CDH12: variants seen among roughly 807,000 people sequenced by gnomAD.
The protein encoded by CDH12 is cadherin 12.
CDH12 carries 41 observed loss-of-function variants against 74.1 expected under a neutral mutation model. The observed-to-expected ratio is 0.55, with a 90% CI of 0.43 to 0.72. The LOEUF (loss-of-function observed/expected upper bound fraction) is 0.72. Among genes scored for constraint, CDH12 ranks in the 30% least tolerant of loss-of-function variants. The pLI is 0.00. For missense variants in CDH12, 945 were observed against 977.2 expected (o/e 0.97, Z 0.44); for synonymous variants, 399 against 355.0 (o/e 1.12, Z -1.39).
At chr5:22,467,295 G>A (rs1745776255) in intron 2 of CDH12, among the ~76,000 whole-genome samples, 1 of 152,148 alleles carries the variant, frequency 6.6e-6, no homozygotes, top group Admixed American at 6.5e-5. Context: ...TCTTACATCA[G>A]GTGCCTGGCA....
chr5:22,033,549 C>A (rs1738972596), intron 5 of CDH12, among the ~76,000 whole-genome samples: 2 of 152,068 alleles, frequency 1.3e-5, no homozygotes, highest in Non-Finnish European at 2.9e-5. Context: ...TGAATCTGCC[C>A]TGAATGGAAA....
At chr5:21,891,670 T>C (rs1752907771) in intron 6 of CDH12, among the ~76,000 whole-genome samples, 1 of 151,870 alleles carries the variant, frequency 6.6e-6, no homozygotes, top group South Asian at 2.1e-4. Flanking sequence ...AATCTTTGGA[T>C]TAAGTGTTTG....
At chr5:22,422,843 T>C (rs966765560) in intron 2 of CDH12, among the ~76,000 whole-genome samples, 2 of 152,262 alleles carry the variant, frequency 1.3e-5, no homozygotes, top group Admixed American at 1.3e-4. Flanking sequence ...AAAAACTAGA[T>C]TCCAGGAAGA....
In CDH12 at chr5:21,781,717, A is replaced by T. The variant is rs1008958313; in HGVS notation, c.1393+1641T>A. On this transcript the variant is annotated intron_variant, in intron 11 of 14. Coordinates refer to ENST00000382254, the MANE Select transcript of CDH12 (RefSeq NM_004061.5). The stretch of plus-strand genomic sequence containing the variant: ...CCAGTCTAGGTGACAGAGTGAGACT[A>T]TTATCTCAAAAAAAAAAAAAGTGGC... Among the ~76,000 whole-genome samples the T allele has an allele frequency of 6.6e-5, 7 of 106,414 alleles. 1 individual carries two copies. In the South Asian group the frequency reaches 2.6e-3, roughly 39 times the overall value. 69.8% of individuals were successfully genotyped at this position (106,414 alleles called of 152,430 possible). A position where few individuals can be genotyped will look rare whatever the true frequency, so the allele number is the denominator to read the frequency against.
intron 10 of CDH12, among the ~76,000 whole-genome samples, chr5:21,787,769 C>G (rs953912679): frequency 1.3e-5 from 2 of 152,110 alleles, no homozygotes; most frequent in Non-Finnish European, 2.9e-5. Flanking sequence ...TACCTTAGCT[C>G]ACATGAATGC....
rs1035829845 is a variant in CDH12 at position 22,058,559 on chromosome 5, G to A, written c.231+19887C>T. 5.3e-5 allele frequency among the ~76,000 whole-genome samples: 8 copies of A among 151,140 alleles called. No individual in the cohort carries two copies. In the South Asian group the frequency reaches 6.3e-4, roughly 12 times the overall value. On this transcript the variant is annotated intron_variant, in intron 5 of 14. Transcript: ENST00000382254. The stretch of plus-strand genomic sequence containing the variant: ...AGTGTATTTTTGTATATAGATTACC[G>A]CGGGTTTTTTTTTAATCTGTTAAAA...
chr5:21,868,517 TG>T (rs1172012908), intron 6 of CDH12, among the ~76,000 whole-genome samples: 2 of 152,190 alleles, frequency 1.3e-5, no homozygotes, highest in Non-Finnish European at 2.9e-5. Flanking sequence ...TCTGAGGCCT[TG>T]GGGGCCCAAA....
At chr5:22,149,971 G>A (rs1282206692) in intron 4 of CDH12, among the ~76,000 whole-genome samples, 13 of 152,110 alleles carry the variant, frequency 8.5e-5, no homozygotes, top group Non-Finnish European at 1.8e-4. Flanking sequence ...TCCAGCCTGG[G>A]TGACAGAGCA....
At chr5:22,333,354 G>T (rs986458453) in intron 3 of CDH12, among the ~76,000 whole-genome samples, 1 of 152,000 alleles carries the variant, frequency 6.6e-6, no homozygotes, top group Non-Finnish European at 1.5e-5. Flanking sequence ...TTAGGACAAA[G>T]AGCTAATGCA....
intron 1 of CDH12, among the ~76,000 whole-genome samples, chr5:22,777,068 C>T (rs1747140713): frequency 6.6e-6 from 1 of 151,870 alleles, no homozygotes; most frequent in African/African-American, 2.4e-5. Context: ...TTGTGGTGTC[C>T]TAAAGTTAGG....
intron 3 of CDH12, among the ~76,000 whole-genome samples, chr5:22,354,755 G>A (rs1740493351): frequency 6.6e-6 from 1 of 152,120 alleles, no homozygotes; most frequent in South Asian, 2.1e-4. Flanking sequence ...GGTGACCACG[G>A]TTGCTTATTA....
chr5:22,492,350 G>GT lies in CDH12; in HGVS notation c.-428+12919dup, dbSNP rs1554044895. ...ATGCCTACAGTCTCCTACTAAAAAT[G>GT]TTTTTTTTTTTTTTTGAGACAGAGT... On this transcript the variant is annotated intron_variant, in intron 2 of 14. Transcript: ENST00000382254. 5.5e-3 allele frequency among the ~76,000 whole-genome samples: 811 copies of GT among 148,462 alleles called. 9 individuals are homozygous for GT. Among genetic ancestry groups the GT allele is most frequent in the African/African-American group, 0.019 (762 of 40,396 alleles).
chr5:22,037,313 G>A (rs902069814), intron 5 of CDH12, among the ~76,000 whole-genome samples: 29 of 152,112 alleles, frequency 1.9e-4, no homozygotes, highest in African/African-American at 6.5e-4. Context: ...CTGAGCAGAA[G>A]GATTCTAAAG....
At chr5:22,190,059 T>C (rs1426632141) in intron 4 of CDH12, among the ~76,000 whole-genome samples, 1 of 152,014 alleles carries the variant, frequency 6.6e-6, no homozygotes, top group East Asian at 1.9e-4. Flanking sequence ...CCAACAGAGT[T>C]GCAATTAAGA....
At chr5:22,421,130 T>A (rs1414780966) in intron 2 of CDH12, among the ~76,000 whole-genome samples, 1 of 152,200 alleles carries the variant, frequency 6.6e-6, no homozygotes, top group African/African-American at 2.4e-5. Flanking sequence ...GATCATGTAA[T>A]CTGCAAACAG....
chr5:21,783,081 C>G (rs994653105), intron 11 of CDH12, among the ~76,000 whole-genome samples: 1 of 151,904 alleles, frequency 6.6e-6, no homozygotes, highest in Non-Finnish European at 1.5e-5. Flanking sequence ...AATTAAAACT[C>G]GGGTGAATTT....
intron 3 of CDH12, among the ~76,000 whole-genome samples, chr5:22,237,488 A>T (rs1245067531): frequency 6.6e-6 from 1 of 152,100 alleles, no homozygotes; most frequent in Admixed American, 6.6e-5. Context: ...TCCTTATTAC[A>T]AAGGCTCCAG....
At chr5:22,836,091 T>C (rs956859092) in intron 1 of CDH12, among the ~76,000 whole-genome samples, 4 of 152,086 alleles carry the variant, frequency 2.6e-5, no homozygotes, top group African/African-American at 9.7e-5. Context: ...AAGGGTGATC[T>C]GTGGAATACA....
intron 1 of CDH12, among the ~76,000 whole-genome samples, chr5:22,654,219 T>A (rs1739899816): frequency 6.6e-6 from 1 of 151,192 alleles, no homozygotes; most frequent in Non-Finnish European, 1.5e-5. Flanking sequence ...TCTTTCTTTT[T>A]GTTTCTTTGT....
Sources: allele counts gnomAD v4.1 joint callset (sites outside exome capture counted in the v4.1 genomes callset), GRCh38; gene constraint gnomAD v4.1.1; transcripts MANE v1.5; gene names NCBI Gene and HGNC (gene_info 2026-07-23, HGNC 2026-07-21).